Variants in TSNARE1 observed in about 807,000 individuals in gnomAD.
The protein encoded by TSNARE1 is t-SNARE domain-containing protein 1.
A neutral mutation model predicts 62.0 loss-of-function variants in TSNARE1; 49 were observed. The observed-to-expected ratio is 0.79, with a 90% CI of 0.63 to 1.00. The LOEUF is 1.00. TSNARE1 is among the 50% of genes least tolerant of loss of function. TSNARE1 has a pLI of 0.00. For synonymous variants in TSNARE1, 328 were observed against 294.4 expected (o/e 1.11, Z -1.17); for missense variants, 755 against 700.1 (o/e 1.08, Z -0.88).
intron 9 of TSNARE1, among the ~76,000 whole-genome samples, chr8:142,312,437 C>G (rs1827748442): frequency 6.6e-6 from 1 of 152,112 alleles, no homozygotes; most frequent in African/African-American, 2.4e-5. Context: ...TTTGGAGAGA[C>G]AACATAGACA....
At chr8:142,278,456 A>T in intron 11 of TSNARE1, 2 of 985,424 alleles carry the variant, frequency 2.0e-6, no homozygotes, top group Middle Eastern at 1.0e-3. Context: ...AAGTCCTTCC[A>T]GCAGCTCCCA....
chr8:142,261,837 T>C (rs1818907429), intron 12 of TSNARE1, among the ~76,000 whole-genome samples: 1 of 152,216 alleles, frequency 6.6e-6, no homozygotes, highest in Non-Finnish European at 1.5e-5. Flanking sequence ...CCTTCAGACC[T>C]GCCCTGGGGG....
chr8:142,391,493 A>G (rs1213544218), intron 1 of TSNARE1, among the ~76,000 whole-genome samples: 2 of 152,228 alleles, frequency 1.3e-5, no homozygotes, highest in African/African-American at 4.8e-5. Flanking sequence ...ACAAGAAGGA[A>G]GGAAGAGCTG....
chr8:142,216,148 A>T (rs1815822821), intron 13 of TSNARE1, among the ~76,000 whole-genome samples: 1 of 151,778 alleles, frequency 6.6e-6, no homozygotes, highest in Admixed American at 6.6e-5. Context: ...GCTCCTCCAG[A>T]CCCCTAGCTG....
intron 12 of TSNARE1, among the ~76,000 whole-genome samples, chr8:142,255,968 T>C (rs1191969499): frequency 3.2e-4 from 22 of 68,104 alleles, no homozygotes; most frequent in Admixed American, 6.1e-4. Context: ...ACCACCACCA[T>C]CACCATCACC....
intron 6 of TSNARE1, among the ~76,000 whole-genome samples, chr8:142,329,514 T>C (rs1257609420): frequency 6.6e-6 from 1 of 152,152 alleles, no homozygotes; most frequent in Non-Finnish European, 1.5e-5. Context: ...GCACAGCAGC[T>C]TCACTGGGAA....
chr8:142,223,887 C>G (rs1041770844), intron 13 of TSNARE1, among the ~76,000 whole-genome samples: 1 of 152,224 alleles, frequency 6.6e-6, no homozygotes, highest in African/African-American at 2.4e-5. Context: ...CCCACCAGCT[C>G]ATTTCTGCAA....
At chr8:142,220,039 C>T (rs1816136126) in intron 13 of TSNARE1, among the ~76,000 whole-genome samples, 1 of 152,316 alleles carries the variant, frequency 6.6e-6, no homozygotes, top group Middle Eastern at 3.4e-3. Flanking sequence ...ATGTGGGAGC[C>T]CCAGAAAGAA....
intron 10 of TSNARE1, among the ~76,000 whole-genome samples, chr8:142,285,890 C>T (rs1822656833): frequency 6.6e-6 from 1 of 152,208 alleles, no homozygotes; most frequent in African/African-American, 2.4e-5. Flanking sequence ...CTGGGCTGTG[C>T]TTCAGGCAAG....
chr8:142,318,393 G>C, intron 7 of TSNARE1, 151 bp downstream of exon 7: 1 of 762,314 alleles, frequency 1.3e-6, no homozygotes, highest in Non-Finnish European at 2.2e-6. Context: ...CTGAGCCATG[G>C]AGCCATGGGA....
At chr8:142,371,049 T>C (rs961946918) in intron 1 of TSNARE1, among the ~76,000 whole-genome samples, 4 of 152,190 alleles carry the variant, frequency 2.6e-5, no homozygotes, top group Admixed American at 2.6e-4. Context: ...CAAGAGGACA[T>C]CATTTCAGAT....
chr8:142,384,266 A>C (rs1410499571), intron 1 of TSNARE1, among the ~76,000 whole-genome samples: 1 of 152,184 alleles, frequency 6.6e-6, no homozygotes, highest in East Asian at 1.9e-4. Flanking sequence ...TGTATCCCCT[A>C]CATCCCCATC....
chr8:142,343,980 A>C lies in TSNARE1; in HGVS notation c.731T>G (p.Leu244Arg). Residue 244 changes from leucine (L) to arginine (R), a missense_variant, in exon 4 of 14, where the codon CTG becomes CGG. Leu to Arg is a moderately radical substitution (Grantham distance 102). Coordinates refer to ENST00000524325, the MANE Select transcript of TSNARE1 (RefSeq NM_145003.5). ...CQALPSEGFS[L>R]EPPRATQVDP... is the part of the protein sequence containing the mutation. Reference sequence around the variant, plus strand: ...AAGGAACTCACCTCTGGGCGGCTCCAGACTGAAGCCCTCGGAGGGCAGGGC... The same window carrying C: ...AAGGAACTCACCTCTGGGCGGCTCCCGACTGAAGCCCTCGGAGGGCAGGGC... The C allele has an allele frequency of 6.5e-7, 1 of 1,534,634 alleles. No homozygotes were observed. The highest frequency in any genetic ancestry group is 8.8e-7 in the Non-Finnish European group (1 of 1,139,680).
intron 1 of TSNARE1, among the ~76,000 whole-genome samples, chr8:142,356,212 G>C (rs1389739127): frequency 6.6e-6 from 1 of 152,178 alleles, no homozygotes; most frequent in African/African-American, 2.4e-5. Flanking sequence ...GCTGGCGCAG[G>C]CCTTGTTCTG....
intron 3 of TSNARE1, 88 bp downstream of exon 3, chr8:142,345,655 T>A: frequency 7.1e-7 from 1 of 1,415,900 alleles, no homozygotes; most frequent in Non-Finnish European, 9.3e-7. Context: ...TCCCTGCAGC[T>A]CCCACCTGCT....
intron 1 of TSNARE1, among the ~76,000 whole-genome samples, chr8:142,399,106 G>A (rs917592751): frequency 6.6e-6 from 1 of 152,214 alleles, no homozygotes; most frequent in South Asian, 2.1e-4. Flanking sequence ...AGGACACCCC[G>A]CCCATAAGGC....
intron 2 of TSNARE1, among the ~76,000 whole-genome samples, chr8:142,349,075 G>A (rs1203019005): frequency 3.3e-5 from 5 of 152,204 alleles, no homozygotes; most frequent in Non-Finnish European, 7.3e-5. Flanking sequence ...GCCAAGAGCT[G>A]AGGGGAGCAA....
At chr8:142,306,900 C>A (rs1447785808) in intron 9 of TSNARE1, among the ~76,000 whole-genome samples, 5 of 152,188 alleles carry the variant, frequency 3.3e-5, no homozygotes, top group African/African-American at 9.7e-5. Flanking sequence ...ACAAAGGAAA[C>A]ACATCCCAGC....
intron 7 of TSNARE1, among the ~76,000 whole-genome samples, chr8:142,316,987 G>A (rs1032814208): frequency 6.6e-6 from 1 of 151,922 alleles, no homozygotes; most frequent in African/African-American, 2.4e-5. Context: ...AGCAACTATG[G>A]GCAGCACCTA....
Sources: allele counts gnomAD v4.1 joint callset (sites outside exome capture counted in the v4.1 genomes callset), GRCh38; gene constraint gnomAD v4.1.1; transcripts MANE v1.5; gene names NCBI Gene and HGNC (gene_info 2026-07-23, HGNC 2026-07-21).